Variants in GCDH observed in about 807,000 individuals in gnomAD.
The protein encoded by GCDH is glutaryl-CoA dehydrogenase, mitochondrial.
Under a neutral mutation model 52.8 loss-of-function variants are expected in GCDH, and 31 were observed. That is an observed-to-expected ratio of 0.59 (90% CI 0.44 to 0.79). The LOEUF (loss-of-function observed/expected upper bound fraction) is 0.79. GCDH is among the 30% of genes least tolerant of loss of function. GCDH has a pLI of 0.00. For missense variants in GCDH, 509 were observed against 595.0 expected (o/e 0.86, Z 1.50); for synonymous variants, 242 against 250.0 (o/e 0.97, Z 0.30).
chr19:12,899,416 G>C, intron 11 of GCDH, 52 bp from the exon 12 acceptor site: 1 of 1,614,062 alleles, frequency 6.2e-7, no homozygotes, highest in Non-Finnish European at 8.5e-7. Flanking sequence ...ATTTTAAAGG[G>C]AAGTTGTGAG....
intron 6 of GCDH, among the ~76,000 whole-genome samples, chr19:12,895,179 C>T (rs1247221966): frequency 6.6e-6 from 1 of 152,158 alleles, no homozygotes; most frequent in Non-Finnish European, 1.5e-5. Context: ...GCATTGTGAT[C>T]ATGACTTTGG....
At chr19:12,897,197 G>A in intron 9 of GCDH, 106 bp from the exon 10 acceptor site, 2 of 1,435,568 alleles carry the variant, frequency 1.4e-6, no homozygotes, top group Non-Finnish European at 9.7e-7. Context: ...AAGCTTGGGG[G>A]CACTGAGGCA....
At position 12,896,128 on chromosome 19, in the gene GCDH, G is replaced by A. The variant is rs2145950631; in HGVS notation, c.635+7G>A. The A allele has an allele frequency of 6.2e-7, 1 of 1,614,170 alleles. No homozygotes were observed. The highest frequency in any genetic ancestry group is 8.5e-7 in the Non-Finnish European group (1 of 1,180,044). On this transcript the variant is annotated splice_region_variant and intron_variant, in intron 7 of 11. Coordinates refer to ENST00000222214, the MANE Select transcript of GCDH (RefSeq NM_000159.4). The surrounding 1 kb of genome is among the most constrained non-coding windows in gnomAD (Gnocchi z 5.5). ...TCAATGGGACCAAGACCTGGTAAGG[G>A]TTCTGGGTGGTGGGCAGGTGGTGAA...
At chr19:12,892,659 TGCA>T (rs1970587455) in intron 5 of GCDH, among the ~76,000 whole-genome samples, 1 of 152,034 alleles carries the variant, frequency 6.6e-6, no homozygotes, top group African/African-American at 2.4e-5. Flanking sequence ...CTTGGCTCAC[TGCA>T]GCCTCCACCT....
In GCDH at chr19:12,899,214, G is replaced by C. The variant is rs553191132; in HGVS notation, c.1244-254G>C. On this transcript the variant is annotated intron_variant, in intron 11 of 11. Transcript: ENST00000222214. ...GGGAGTTCAGCACAAGGAGCTTTGG[G>C]TTTTTGTTTTTTTCTGCCAAGATGC... 1,502 of 866,100 alleles carry C rather than the reference G, an allele frequency of 1.7e-3. 1 individual carries two copies. The highest frequency in any genetic ancestry group is 2.9e-3 in the Admixed American group (133 of 45,624). 53.7% of individuals were successfully genotyped at this position (866,100 alleles called of 1,614,324 possible).
In GCDH at chr19:12,896,912, T is replaced by G; in HGVS notation, c.855T>G (p.Gly285=). The change falls in exon 9 of 12, where the codon GGT becomes GGG. Residue 285 remains glycine, a splice_region_variant and synonymous_variant. Coordinates refer to ENST00000222214, the MANE Select transcript of GCDH (RefSeq NM_000159.4). This position sits in a 1 kb window ranked among gnomAD's most constrained non-coding sequence, Gnocchi z 5.5. Reference sequence around the variant, plus strand: ...GAGGCGCCATCTCAACCCTACAGGGTCCCTTCGGCTGCCTGAACAACGCCC... The same window carrying G: ...GAGGCGCCATCTCAACCCTACAGGGGCCCTTCGGCTGCCTGAACAACGCCC... ...NVLPGASSLG[G]PFGCLNNARY... The G allele has an allele frequency of 6.2e-7, 1 of 1,612,120 alleles. No individual in the cohort carries two copies. Among genetic ancestry groups the G allele is most frequent in the Non-Finnish European group, 8.5e-7 (1 of 1,178,932 alleles).
rs1375635890 is a variant in GCDH, at chr19:12,896,637, G to C, written c.852+216G>C. Among the ~76,000 whole-genome samples the C allele has an allele frequency of 6.6e-6, 1 of 152,222 alleles. No individual in the cohort carries two copies. The highest frequency in any genetic ancestry group is 1.5e-5 in the Non-Finnish European group (1 of 68,040). On this transcript the variant is annotated intron_variant, in intron 8 of 11. Coordinates refer to ENST00000222214, the MANE Select transcript of GCDH (RefSeq NM_000159.4). The surrounding 1 kb of genome is among the most constrained non-coding windows in gnomAD (Gnocchi z 5.5). ...GCCCGGGACACATGGGCCTGAACCA[G>C]CTCAGTCATTTGACTCACAGTGCAT...
At chr19:12,895,646 C>T (rs1970654786) in intron 6 of GCDH, among the ~76,000 whole-genome samples, 2 of 152,010 alleles carry the variant, frequency 1.3e-5, no homozygotes, top group South Asian at 2.1e-4. Context: ...GAGTCTTGCT[C>T]TGTTGCCCAG....
In GCDH at chr19:12,896,765, C is replaced by T. The variant is rs1970690623; in HGVS notation, c.853-145C>T. 1 of 702,642 alleles carries T rather than the reference C, an allele frequency of 1.4e-6. No individual in the cohort carries two copies. The highest frequency in any genetic ancestry group is 1.8e-5 in the African/African-American group (1 of 57,116). The allele number at this position is 702,642 out of a possible 1,614,324, so 43.5% of individuals were successfully genotyped here. On this transcript the variant is annotated intron_variant, in intron 8 of 11. Transcript: ENST00000222214. This position sits in a 1 kb window ranked among gnomAD's most constrained non-coding sequence, Gnocchi z 5.5. ...GTGAGCAGGCACCGAGCTTCAGTGC[C>T]AGGGCCATCTGTGATGTGAACCACA...
intron 3 of GCDH, 127 bp from the exon 4 acceptor site, chr19:12,891,704 C>A: frequency 6.2e-7 from 1 of 1,604,882 alleles, no homozygotes; most frequent in South Asian, 1.1e-5. Flanking sequence ...GTCACCTGAT[C>A]AGTCTCGCTT....
rs756345321 is a variant in GCDH, at chr19:12,896,014, C to T, written c.528C>T (p.Cys176=). 2.5e-6 allele frequency: 4 copies of T among 1,614,086 alleles called. No homozygotes were observed. In the East Asian group the frequency reaches 8.9e-5, roughly 36 times the overall value. The change falls in exon 7 of 12, where the codon TGC becomes TGT. Residue 176 remains cysteine, a synonymous_variant. Coordinates refer to ENST00000222214, the MANE Select transcript of GCDH (RefSeq NM_000159.4). The surrounding 1 kb of genome is among the most constrained non-coding windows in gnomAD (Gnocchi z 5.5). ...CAGCCAAGGGGGAGCTCCTGGGCTGCTTCGGGCTCACAGAGCCCAACAGCG... is the reference window on the plus strand; with the variant it reads ...CAGCCAAGGGGGAGCTCCTGGGCTGTTTCGGGCTCACAGAGCCCAACAGCG... ...PQLAKGELLG[C]FGLTEPNSGS... is the part of the protein sequence containing the mutation.
chr19:12,892,677 G>A (rs1970587790), intron 5 of GCDH, among the ~76,000 whole-genome samples: 1 of 151,588 alleles, frequency 6.6e-6, no homozygotes. Flanking sequence ...CCACCTCCCG[G>A]GTTTAAGTGA....
At chr19:12,893,752 C>T in intron 6 of GCDH, 99 bp downstream of exon 6, 4 of 1,158,096 alleles carry the variant, frequency 3.5e-6, no homozygotes, top group Non-Finnish European at 5.2e-6. Flanking sequence ...GTCCCTATCT[C>T]AAAGATAGCA....
intron 6 of GCDH, among the ~76,000 whole-genome samples, chr19:12,895,729 A>ATTCTCCT (rs1229180658): frequency 6.7e-6 from 1 of 149,022 alleles, no homozygotes; most frequent in Non-Finnish European, 1.5e-5. Context: ...CTCCTGCCTC[A>ATTCTCCT]GTCTCCTGAG....
rs1970701391 is a variant in GCDH at position 12,897,175 on chromosome 19, C to A, written c.957-128C>A. 1.4e-5 allele frequency: 19 copies of A among 1,321,104 alleles called. No homozygotes were observed. The South Asian group carries it at 2.4e-4, about 16-fold the overall frequency. 81.8% of individuals were successfully genotyped at this position (1,321,104 alleles called of 1,614,324 possible). ...GAGCAGCTGTGGGCTGAGTCAACGG[C>A]AGGGCCAGGGCAAGCTTGGGGGCAC... is the stretch of plus-strand genomic sequence containing the variant. On this transcript the variant is annotated intron_variant, in intron 9 of 11. Transcript: ENST00000222214.
At chr19:12,899,171 C>T in intron 11 of GCDH, 1 of 641,936 alleles carries the variant, frequency 1.6e-6, no homozygotes, top group South Asian at 1.9e-5. Flanking sequence ...ATGGCAGGGG[C>T]TGGACTTGCT....
In GCDH at chr19:12,899,565, C is replaced by T. The variant is rs1436588939; in HGVS notation, c.*24C>T. ...GAGCCGCTCCATCAGGGGCCCGAAACTCTCAAGCCCCTTTCTGGAGAGATG... is the reference window on the plus strand; with the variant it reads ...GAGCCGCTCCATCAGGGGCCCGAAATTCTCAAGCCCCTTTCTGGAGAGATG... On this transcript the variant is annotated 3_prime_UTR_variant, in exon 12 of 12. Transcript: ENST00000222214. The T allele has an allele frequency of 1.2e-5, 19 of 1,614,096 alleles. No individual in the cohort carries two copies. The highest frequency in any genetic ancestry group is 1.6e-5 in the Non-Finnish European group (19 of 1,179,982).
chr19:12,892,427 GAT>G (rs1491452445), intron 5 of GCDH: 7 of 579,172 alleles, frequency 1.2e-5, no homozygotes, highest in Non-Finnish European at 2.2e-5. Flanking sequence ...TAGTAGCTGG[GAT>G]TACAGGTATG....
At position 12,899,557 on chromosome 19, in the gene GCDH, G is replaced by A. The variant is rs752597817; in HGVS notation, c.*16G>A. The A allele has an allele frequency of 1.2e-6, 2 of 1,614,104 alleles. No homozygotes were observed. Among genetic ancestry groups the A allele is most frequent in the Non-Finnish European group, 8.5e-7 (1 of 1,179,996 alleles). On this transcript the variant is annotated 3_prime_UTR_variant, in exon 12 of 12. Coordinates refer to ENST00000222214, the MANE Select transcript of GCDH (RefSeq NM_000159.4). The stretch of plus-strand genomic sequence containing the variant: ...CAGCAAGTGAGCCGCTCCATCAGGG[G>A]CCCGAAACTCTCAAGCCCCTTTCTG...
Sources: gnomAD v4.1 joint callset for allele counts (sites outside exome capture counted in the v4.1 genomes callset) on GRCh38, gnomAD v4.1.1 for gene constraint, Gnocchi (gnomAD v3.1) non-coding constraint, MANE v1.5 for transcripts, NCBI Gene and HGNC (gene_info 2026-07-23, HGNC 2026-07-21) for gene names.